Variants in TBC1D32 observed in about 807,000 individuals in gnomAD.
The protein encoded by TBC1D32 is TBC1 domain family member 32.
In TBC1D32, 151 loss-of-function variants were observed where a neutral mutation model predicts 170.3. The ratio of observed to expected loss-of-function variants is 0.89; its 90% CI spans 0.78 to 1.01. The LOEUF (loss-of-function observed/expected upper bound fraction) is 1.01, where lower values mean the gene tolerates loss of function less well. Ranked by LOEUF, TBC1D32 falls within the 50% of genes least tolerant of loss-of-function variation. The probability of loss-of-function intolerance (pLI) is 0.00; values close to 1 mark genes in which losing one functional copy is unlikely to be tolerated. For missense variants in TBC1D32, 1,464 were observed against 1,457.1 expected, an observed-to-expected ratio of 1.00 and a Z score of -0.08; for synonymous variants, 498 against 488.0, an observed-to-expected ratio of 1.02 and a Z score of -0.27.
At chr6:121,235,062 G>A (rs117871622) in intron 20 of TBC1D32, among the ~76,000 whole-genome samples, 3,676 of 152,294 alleles carry the variant, frequency 0.024, 165 homozygotes, top group East Asian at 0.12. Context: ...GATGTGATCC[G>A]TCTTCAGGTC....
intron 24 of TBC1D32, among the ~76,000 whole-genome samples, chr6:121,156,458 A>G (rs2651527): frequency 0.99 from 150,117 of 151,828 alleles, 74,241 homozygotes; most frequent in East Asian, 1. Context: ...TTTTCCTTTT[A>G]AAAAATCAAT....
intron 17 of TBC1D32, among the ~76,000 whole-genome samples, chr6:121,244,499 G>C (rs967802845): frequency 6.6e-6 from 1 of 152,116 alleles, no homozygotes; most frequent in Non-Finnish European, 1.5e-5. Flanking sequence ...TGTGGGGGTG[G>C]TTTTCAGGCC....
At chr6:121,192,053 A>AT (rs1158179800) in intron 22 of TBC1D32, among the ~76,000 whole-genome samples, 2,612 of 59,530 alleles carry the variant, frequency 0.044, 78 homozygotes, top group South Asian at 0.099. Context: ...GTTAATACTT[A>AT]ATAAACTACC....
At chr6:121,213,499 TAA>T (rs1194081172) in intron 21 of TBC1D32, among the ~76,000 whole-genome samples, 112 of 4,474 alleles carry the variant, frequency 0.025, 3 homozygotes, top group African/African-American at 0.038. Flanking sequence ...TAAAATAAAA[TAA>T]AATAAAATAA....
At chr6:121,172,837 A>G (rs1276770009) in intron 22 of TBC1D32, among the ~76,000 whole-genome samples, 2 of 152,068 alleles carry the variant, frequency 1.3e-5, no homozygotes, top group Admixed American at 1.3e-4. Flanking sequence ...TTTATATAGC[A>G]TTTGGGTTGG....
Position 121,333,116 on chromosome 6 carries a change from T to C in TBC1D32, c.155+1160A>G, listed in dbSNP as rs138381575. On this transcript the variant is annotated intron_variant, in intron 1 of 31. Coordinates refer to ENST00000398212, the MANE Select transcript of TBC1D32 (RefSeq NM_152730.6). ...GATATTGACAGGAGTTCCAGATAAG[T>C]AGAACTTCAGGGTACCCAAGGGTAT... 4.4e-3 allele frequency among the ~76,000 whole-genome samples: 672 copies of C among 152,192 alleles called. 8 individuals carry two copies. Among genetic ancestry groups the C allele is most frequent in the African/African-American group, 0.016 (647 of 41,528 alleles).
At chr6:121,300,543 A>AT (rs1806307527) in intron 9 of TBC1D32, among the ~76,000 whole-genome samples, 1 of 152,188 alleles carries the variant, frequency 6.6e-6, no homozygotes, top group Non-Finnish European at 1.5e-5. Flanking sequence ...TTAACTCAAG[A>AT]TGGATTAAAG....
At chr6:121,176,403 C>A (rs1787766417) in intron 22 of TBC1D32, among the ~76,000 whole-genome samples, 1 of 152,094 alleles carries the variant, frequency 6.6e-6, no homozygotes, top group South Asian at 2.1e-4. Flanking sequence ...AGTGGAATAA[C>A]AAAGGGAGAA....
intron 19 of TBC1D32, among the ~76,000 whole-genome samples, chr6:121,240,366 T>TTTTTTTA (rs1796808414): frequency 7.5e-6 from 1 of 133,948 alleles, no homozygotes; most frequent in South Asian, 2.4e-4. Context: ...AATTTTTTTT[T>TTTTTTTA]TTTTTTTTTT....
At chr6:121,170,966 A>G (rs1266463970) in intron 22 of TBC1D32, among the ~76,000 whole-genome samples, 1 of 152,136 alleles carries the variant, frequency 6.6e-6, no homozygotes, top group East Asian at 1.9e-4. Flanking sequence ...GGCTAATTTT[A>G]TAATTGTCAG....
At chr6:121,178,740 T>C (rs908172306) in intron 22 of TBC1D32, among the ~76,000 whole-genome samples, 1 of 152,182 alleles carries the variant, frequency 6.6e-6, no homozygotes, top group African/African-American at 2.4e-5. Flanking sequence ...ACTGTAGTGC[T>C]CTTCTTGTTG....
chr6:121,187,827 T>C (rs772304623), intron 22 of TBC1D32, among the ~76,000 whole-genome samples: 27 of 151,276 alleles, frequency 1.8e-4, no homozygotes, highest in Non-Finnish European at 3.2e-4. Context: ...AAAAAATAGA[T>C]TATCTGATGC....
chr6:121,102,968 C>A (rs1032607521), intron 30 of TBC1D32, among the ~76,000 whole-genome samples: 1 of 152,176 alleles, frequency 6.6e-6, no homozygotes, highest in African/African-American at 2.4e-5. Flanking sequence ...ATGCAGCCAA[C>A]AGACACATGA....
Position 121,256,112 on chromosome 6 carries a change from T to C in TBC1D32, c.1907A>G (p.His636Arg). Residue 636 changes from histidine (H) to arginine (R), a missense_variant, in exon 16 of 32, where the codon CAT becomes CGT. His to Arg is a conservative substitution (Grantham distance 29). Around this residue, in one of 3 missense-constraint regions of TBC1D32, gnomAD observed 1,363 missense variants for 1,338.1 expected, o/e 1.02. Coordinates refer to ENST00000398212, the MANE Select transcript of TBC1D32 (RefSeq NM_152730.6). ...TTTCCATGCCTTTGCTATAGATTCA[T>C]GCAAATTATAAGTGATTAACACCTG... ...GLQVLITYNLHESIAKAWKKT... is the reference protein window; with the variant it reads ...GLQVLITYNLRESIAKAWKKT... The C allele has an allele frequency of 1.9e-6, 3 of 1,613,142 alleles. No individual in the cohort carries two copies. Among genetic ancestry groups the C allele is most frequent in the South Asian group, 1.1e-5 (1 of 90,616 alleles).
intron 17 of TBC1D32, among the ~76,000 whole-genome samples, chr6:121,247,369 C>T (rs1797740606): frequency 6.6e-6 from 1 of 151,398 alleles, no homozygotes; most frequent in Non-Finnish European, 1.5e-5. Flanking sequence ...AATAGAACCT[C>T]CAAAGGCATA....
chr6:121,259,019 C>T (rs1490137052), intron 15 of TBC1D32, among the ~76,000 whole-genome samples: 1 of 151,686 alleles, frequency 6.6e-6, no homozygotes, highest in Non-Finnish European at 1.5e-5. Context: ...AAAAAAGAGC[C>T]AGGTGCAGTG....
At chr6:121,114,662 C>T (rs1779517799) in intron 27 of TBC1D32, among the ~76,000 whole-genome samples, 2 of 152,034 alleles carry the variant, frequency 1.3e-5, no homozygotes, top group South Asian at 4.2e-4. Flanking sequence ...TGTTAAAATC[C>T]CCATTTAATA....
At chr6:121,088,652 TA>T (rs1776495475) in intron 31 of TBC1D32, among the ~76,000 whole-genome samples, 2 of 151,850 alleles carry the variant, frequency 1.3e-5, no homozygotes, top group African/African-American at 4.8e-5. Context: ...CCACTGAAAA[TA>T]AAACAACAAA....
intron 1 of TBC1D32, among the ~76,000 whole-genome samples, chr6:121,329,300 T>TA (rs1810894151): frequency 6.6e-6 from 1 of 152,294 alleles, no homozygotes; most frequent in African/African-American, 2.4e-5. Flanking sequence ...ATAAGTACAT[T>TA]AAAAAATCTC....
Sources: gnomAD v4.1 joint callset for allele counts (sites outside exome capture counted in the v4.1 genomes callset) on GRCh38, gnomAD v4.1.1 for gene constraint, gnomAD v4.1.1 regional missense constraint, MANE v1.5 for transcripts, NCBI Gene and HGNC (gene_info 2026-07-23, HGNC 2026-07-21) for gene names.